PLCB1: variants seen among roughly 807,000 people sequenced by gnomAD.
PLCB1 encodes the protein 1-phosphatidylinositol 4,5-bisphosphate phosphodiesterase beta-1.
In PLCB1, 46 loss-of-function variants were observed where a neutral mutation model predicts 161.8. The observed-to-expected ratio is 0.28, with a 90% confidence interval of 0.22 to 0.36. The LOEUF is 0.36. Among genes scored for constraint, PLCB1 ranks in the 10% least tolerant of loss-of-function variants. The probability of loss-of-function intolerance (pLI) is 1.00; values close to 1 mark genes in which losing one functional copy is unlikely to be tolerated. For synonymous variants in PLCB1, 517 were observed against 503.7 expected, an observed-to-expected ratio of 1.03 and a Z score of -0.35; for missense variants, 1,016 against 1,472.5, an observed-to-expected ratio of 0.69 and a Z score of 5.07.
chr20:8,248,458 T>G (rs1980989815), intron 2 of PLCB1, among the ~76,000 whole-genome samples: 1 of 151,776 alleles, frequency 6.6e-6, no homozygotes, highest in Admixed American at 6.6e-5. Flanking sequence ...AGGCTGCAGT[T>G]GGAAATAAAG....
chr20:8,652,448 A>G (rs763355004), intron 7 of PLCB1: 27 of 152,160 alleles, frequency 1.8e-4, no homozygotes, highest in Non-Finnish European at 3.8e-4. Flanking sequence ...TGAACTGACT[A>G]TGATGTATCA....
chr20:8,663,666 G>A (rs761727944), intron 9 of PLCB1, among the ~76,000 whole-genome samples: 1 of 152,130 alleles, frequency 6.6e-6, no homozygotes, highest in Non-Finnish European at 1.5e-5. Flanking sequence ...CAGAAAGAGA[G>A]AATTTGAAGC....
chr20:8,573,401 G>A (rs376250168), intron 3 of PLCB1, among the ~76,000 whole-genome samples: 4 of 152,206 alleles, frequency 2.6e-5, no homozygotes, highest in Non-Finnish European at 5.9e-5. Flanking sequence ...TGTGTTTGCC[G>A]AAGGATGGGG....
chr20:8,801,754 T>C (rs1445192584), intron 31 of PLCB1, among the ~76,000 whole-genome samples: 1 of 152,194 alleles, frequency 6.6e-6, no homozygotes, highest in African/African-American at 2.4e-5. Context: ...AGTTTCTTGA[T>C]GGTAGTGGGA....
intron 11 of PLCB1, 136 bp from the exon 12 acceptor site, chr20:8,708,534 C>T: frequency 1.7e-6 from 1 of 599,026 alleles, no homozygotes; most frequent in Non-Finnish European, 3.0e-6. Context: ...CCTCAAAATC[C>T]CTTCTAGCCA....
At chr20:8,593,486 A>G (rs1024765476) in intron 3 of PLCB1, among the ~76,000 whole-genome samples, 3 of 152,028 alleles carry the variant, frequency 2.0e-5, no homozygotes, top group African/African-American at 7.3e-5. Context: ...GAGCCACCAC[A>G]CCCAGCCCCA....
rs1373738725 is a variant in PLCB1 at position 8,444,196 on chromosome 20, C to G, written c.246+72746C>G. Among the ~76,000 whole-genome samples the G allele has an allele frequency of 3.3e-5, 5 of 152,132 alleles. 1 individual carries two copies. The highest frequency in any genetic ancestry group is 2.0e-4 in the Admixed American group (3 of 15,290). ...TAATGCTATCCCTCCCACCTCCCCCCACCACATGACAGGCCGCGGTGTGTG... is the reference window on the plus strand; with the variant it reads ...TAATGCTATCCCTCCCACCTCCCCCGACCACATGACAGGCCGCGGTGTGTG... On this transcript the variant is annotated intron_variant, in intron 3 of 31. Transcript: ENST00000338037.
At chr20:8,420,134 T>G (rs375141090) in intron 3 of PLCB1, among the ~76,000 whole-genome samples, 15 of 152,198 alleles carry the variant, frequency 9.9e-5, no homozygotes, top group African/African-American at 2.9e-4. Context: ...TCCTTACCTG[T>G]AAAATCTGAG....
At chr20:8,665,436 G>C (rs1445046917) in intron 9 of PLCB1, among the ~76,000 whole-genome samples, 1 of 152,020 alleles carries the variant, frequency 6.6e-6, no homozygotes, top group African/African-American at 2.4e-5. Context: ...TCAGAGCCTT[G>C]GGCTGAGGCA....
At chr20:8,808,013 C>A (rs1344010280) in intron 31 of PLCB1, among the ~76,000 whole-genome samples, 1 of 152,202 alleles carries the variant, frequency 6.6e-6, no homozygotes, top group East Asian at 1.9e-4. Flanking sequence ...GAAGGCTTCA[C>A]AGAGGTGGCA....
chr20:8,195,133 T>A (rs894589565), intron 2 of PLCB1, among the ~76,000 whole-genome samples: 1 of 152,042 alleles, frequency 6.6e-6, no homozygotes, highest in African/African-American at 2.4e-5. Flanking sequence ...TTTTTACATC[T>A]TTTTTTGCAT....
intron 2 of PLCB1, among the ~76,000 whole-genome samples, chr20:8,187,598 G>A (rs911806097): frequency 6.6e-6 from 1 of 152,094 alleles, no homozygotes; most frequent in Non-Finnish European, 1.5e-5. Context: ...TTTCCTTGCT[G>A]ATCTCATCCT....
chr20:8,722,601 A>C (rs546229452), intron 15 of PLCB1, among the ~76,000 whole-genome samples, 180 bp downstream of exon 15: 1 of 152,300 alleles, frequency 6.6e-6, no homozygotes, highest in South Asian at 2.1e-4. Context: ...CGGAGAAGAT[A>C]TGGCGTTTAG....
At chr20:8,247,648 A>G (rs1471951482) in intron 2 of PLCB1, among the ~76,000 whole-genome samples, 1 of 151,642 alleles carries the variant, frequency 6.6e-6, no homozygotes, top group Non-Finnish European at 1.5e-5. Flanking sequence ...GCAAACACAC[A>G]CACACACACA....
At chr20:8,267,971 A>G (rs1303165086) in intron 2 of PLCB1, among the ~76,000 whole-genome samples, 1 of 151,124 alleles carries the variant, frequency 6.6e-6, no homozygotes, top group Non-Finnish European at 1.5e-5. Context: ...TATTATTATT[A>G]TTATTATTAT....
intron 2 of PLCB1, among the ~76,000 whole-genome samples, chr20:8,234,142 AAG>A (rs1399681951): frequency 1.3e-5 from 2 of 152,088 alleles, no homozygotes; most frequent in African/African-American, 2.4e-5. Context: ...TGGAATGGGA[AAG>A]AGACGTATGC....
intron 3 of PLCB1, among the ~76,000 whole-genome samples, chr20:8,390,435 G>A (rs1987553888): frequency 6.6e-6 from 1 of 152,050 alleles, no homozygotes; most frequent in Admixed American, 6.6e-5. Flanking sequence ...CTAAATTACT[G>A]GGGGTTAATA....
At chr20:8,301,912 T>G (rs748459216) in intron 2 of PLCB1, among the ~76,000 whole-genome samples, 78 of 152,254 alleles carry the variant, frequency 5.1e-4, no homozygotes, top group Non-Finnish European at 1.0e-3. Context: ...GATTCAAGTC[T>G]TGCCTTCACC....
intron 2 of PLCB1, among the ~76,000 whole-genome samples, chr20:8,284,412 C>T (rs966292244): frequency 1.4e-4 from 22 of 152,008 alleles, no homozygotes; most frequent in African/African-American, 5.3e-4. Flanking sequence ...TGTGACATAA[C>T]GTGTAAGAGT....
Sources: gnomAD v4.1 joint callset for allele counts (sites outside exome capture counted in the v4.1 genomes callset) on GRCh38, gnomAD v4.1.1 for gene constraint, MANE v1.5 for transcripts, NCBI Gene and HGNC (gene_info 2026-07-23, HGNC 2026-07-21) for gene names.